The following PBLD variants were observed in gnomAD, a reference collection of about 807,000 sequenced individuals.
PBLD encodes the protein phenazine biosynthesis like protein domain containing, also known as phenazine biosynthesis-like domain-containing protein.
A neutral mutation model predicts 31.3 loss-of-function variants in PBLD; 26 were observed. That is an observed-to-expected ratio of 0.83 (90% CI 0.61 to 1.15). PBLD has a LOEUF of 1.15. PBLD is among the 50% of genes most tolerant of loss of function. The pLI, the probability that PBLD is intolerant of heterozygous loss-of-function variation, is 0.00. For missense variants in PBLD, 307 were observed against 351.7 expected (o/e 0.87, Z 1.02); for synonymous variants, 114 against 129.0 (o/e 0.88, Z 0.79).
chr10:68,322,464 C>T (rs990936202), intron 1 of PBLD, among the ~76,000 whole-genome samples: 23 of 150,610 alleles, frequency 1.5e-4, no homozygotes, highest in African/African-American at 5.6e-4. Context: ...AATTCAAGAC[C>T]AGGCTAGGCA....
At chr10:68,330,704 CCCGGCGT>C (rs1266414690) in intron 1 of PBLD, among the ~76,000 whole-genome samples, 14 of 142,378 alleles carry the variant, frequency 9.8e-5, no homozygotes, top group Non-Finnish European at 1.9e-4. Context: ...CGCCACCACG[CCCGGCGT>C]GTGTGTGTGT....
intron 2 of PBLD, among the ~76,000 whole-genome samples, 185 bp downstream of exon 2, chr10:68,306,576 G>A (rs1480786047): frequency 6.6e-6 from 1 of 152,172 alleles, no homozygotes; most frequent in Non-Finnish European, 1.5e-5. Context: ...CGTACCCAAG[G>A]CATAGGCATT....
chr10:68,285,588 CAT>C (rs1176350759), intron 8 of PBLD, among the ~76,000 whole-genome samples, 178 bp from the exon 9 acceptor site: 1 of 152,206 alleles, frequency 6.6e-6, no homozygotes, highest in Non-Finnish European at 1.5e-5. Flanking sequence ...AAAAGGAAGA[CAT>C]AGAATTTATG....
chr10:68,330,694 C>T (rs923071275), intron 1 of PBLD, among the ~76,000 whole-genome samples: 1 of 150,208 alleles, frequency 6.7e-6, no homozygotes, highest in Non-Finnish European at 1.5e-5. Context: ...TACAGGGGCC[C>T]GCCACCACGC....
rs147937698 is a variant in PBLD, at chr10:68,308,882, T to G, written c.-59-1979A>C. Among the ~76,000 whole-genome samples the G allele has an allele frequency of 6.3e-3, 362 of 57,862 alleles. 9 individuals carry two copies. Among genetic ancestry groups the G allele is most frequent in the African/African-American group, 0.017 (287 of 16,940 alleles). The allele number at this position is 57,862 out of a possible 152,430, so 38.0% of individuals were successfully genotyped here. A position where few individuals can be genotyped will look rare whatever the true frequency, so the allele number is the denominator to read the frequency against. ...TGTGTGTGTGTGTGTGTGTGTGTGT[T>G]TGTGTGTGTGTGTTGAGACCATTCT... On this transcript the variant is annotated intron_variant, in intron 1 of 9. Coordinates refer to ENST00000358769, the MANE Select transcript of PBLD (RefSeq NM_022129.4).
chr10:68,308,759 T>G (rs998739013), intron 1 of PBLD, among the ~76,000 whole-genome samples: 2 of 149,904 alleles, frequency 1.3e-5, no homozygotes, highest in Admixed American at 6.8e-5. Flanking sequence ...CAGGCTGGTC[T>G]GGAACTCCTC....
intron 2 of PBLD, among the ~76,000 whole-genome samples, chr10:68,305,297 G>C (rs1210699647): frequency 7.5e-6 from 1 of 133,306 alleles, no homozygotes. Context: ...TTTTTTCTTA[G>C]AGACACGGTC....
intron 1 of PBLD, among the ~76,000 whole-genome samples, chr10:68,319,179 C>T (rs1182651788): frequency 4.1e-5 from 6 of 146,954 alleles, no homozygotes; most frequent in Non-Finnish European, 5.9e-5. Flanking sequence ...TGGGACTCCA[C>T]TGATGGAGAG....
chr10:68,284,482 A>C (rs1256768158), intron 9 of PBLD, among the ~76,000 whole-genome samples, 193 bp from the exon 10 acceptor site: 1 of 152,164 alleles, frequency 6.6e-6, no homozygotes, highest in East Asian at 1.9e-4. Flanking sequence ...ACTCAATTTG[A>C]TCTACAGAAC....
At chr10:68,305,131 A>G (rs1371554548) in intron 2 of PBLD, among the ~76,000 whole-genome samples, 1 of 152,132 alleles carries the variant, frequency 6.6e-6, no homozygotes, top group Admixed American at 6.6e-5. Flanking sequence ...AGGCCAAGAT[A>G]GGAGAATCAC....
chr10:68,306,648 A>G, intron 2 of PBLD, 113 bp downstream of exon 2: 1 of 975,386 alleles, frequency 1.0e-6, no homozygotes, highest in South Asian at 1.7e-5. Flanking sequence ...ATGATGGCAA[A>G]GAACACAAAC....
At chr10:68,322,128 G>C (rs1179499419) in intron 1 of PBLD, among the ~76,000 whole-genome samples, 1 of 152,184 alleles carries the variant, frequency 6.6e-6, no homozygotes, top group Non-Finnish European at 1.5e-5. Context: ...ACCATGTGAA[G>C]AGGATGGCAC....
rs148274080 is a variant in PBLD, at chr10:68,309,486, A to G, written c.-59-2583T>C. Among the ~76,000 whole-genome samples the G allele has an allele frequency of 5.2e-3, 780 of 149,120 alleles. 100 individuals carry two copies. The highest frequency in any genetic ancestry group is 0.047 in the Admixed American group (684 of 14,582). ...CTTCCGCCTCAAAACGAGGCTACTC[A>G]TTAATAAATATCAGTTTAGTTCTTT... On this transcript the variant is annotated intron_variant, in intron 1 of 9. Coordinates refer to ENST00000358769, the MANE Select transcript of PBLD (RefSeq NM_022129.4).
At chr10:68,312,223 G>C (rs1053998297) in intron 1 of PBLD, among the ~76,000 whole-genome samples, 1 of 152,110 alleles carries the variant, frequency 6.6e-6, no homozygotes, top group African/African-American at 2.4e-5. Context: ...TGAATTACAT[G>C]GTTAGTTCTA....
At chr10:68,327,314 T>C (rs945128509) in intron 1 of PBLD, among the ~76,000 whole-genome samples, 1 of 152,194 alleles carries the variant, frequency 6.6e-6, no homozygotes, top group African/African-American at 2.4e-5. Flanking sequence ...ACCATCGTTA[T>C]TTTTTGCAGA....
At position 68,328,196 on chromosome 10, in the gene PBLD, A is replaced by T. The variant is rs149757973; in HGVS notation, c.-60+4588T>A. On this transcript the variant is annotated intron_variant, in intron 1 of 9. Coordinates refer to ENST00000358769, the MANE Select transcript of PBLD (RefSeq NM_022129.4). The stretch of plus-strand genomic sequence containing the variant: ...CAAATTTAGTGTTTAAAAGGCATTA[A>T]CTACCTTAATTAGATGAAATTTAGT... Among the ~76,000 whole-genome samples, 293 of 152,364 alleles carry T rather than the reference A, an allele frequency of 1.9e-3. 1 individual carries two copies. Among genetic ancestry groups the T allele is most frequent in the African/African-American group, 6.6e-3 (275 of 41,586 alleles).
In PBLD at chr10:68,292,240, T is replaced by C. The variant is rs756098579; in HGVS notation, c.284-2A>G. 4.3e-6 allele frequency: 7 copies of C among 1,610,962 alleles called. No individual in the cohort carries two copies. The Admixed American group carries it at 1.0e-4, about 23-fold the overall frequency. ...ACGTGAGCGTGCTATTCATGTTTTC[T>C]GGCCAAAATAGGAATCAAGAAATAG... On this transcript the variant is annotated splice_acceptor_variant, in intron 4 of 9. Transcript: ENST00000358769. LOFTEE classifies it high-confidence loss of function.
chr10:68,289,569 C>T (rs1376907276), intron 6 of PBLD, among the ~76,000 whole-genome samples: 1 of 151,938 alleles, frequency 6.6e-6, no homozygotes, highest in Non-Finnish European at 1.5e-5. Context: ...CATAGGCATT[C>T]TCACAAGTGC....
intron 2 of PBLD, among the ~76,000 whole-genome samples, chr10:68,299,648 G>C (rs540494772): frequency 6.6e-6 from 1 of 151,956 alleles, no homozygotes; most frequent in Non-Finnish European, 1.5e-5. Flanking sequence ...CTGAGGTCAG[G>C]AGTTCGAGAC....
Sources: gnomAD v4.1 joint callset for allele counts (sites outside exome capture counted in the v4.1 genomes callset) on GRCh38, gnomAD v4.1.1 for gene constraint, MANE v1.5 for transcripts, NCBI Gene and HGNC (gene_info 2026-07-23, HGNC 2026-07-21) for gene names.